PPP6R2: variants seen among roughly 807,000 people sequenced by gnomAD.
The protein encoded by PPP6R2 is protein phosphatase 6 regulatory subunit 2.
PPP6R2 carries 62 observed loss-of-function variants against 100.2 expected under a neutral mutation model. The observed-to-expected ratio is 0.62, with a 90% CI of 0.50 to 0.76. PPP6R2 has a LOEUF of 0.76. PPP6R2 is among the 30% of genes least tolerant of loss of function. The probability of loss-of-function intolerance (pLI) is 0.00; values close to 1 mark genes in which losing one functional copy is unlikely to be tolerated. For synonymous variants in PPP6R2, 525 were observed against 514.7 expected (o/e 1.02, Z -0.27); for missense variants, 1,142 against 1,276.3 (o/e 0.89, Z 1.60).
chr22:50,352,563 A>G (rs1188406445), intron 1 of PPP6R2, among the ~76,000 whole-genome samples: 2 of 151,720 alleles, frequency 1.3e-5, no homozygotes, highest in Non-Finnish European at 2.9e-5. Flanking sequence ...CATCTCTACT[A>G]AAAATACAAA....
chr22:50,362,313 C>A (rs565976484), intron 1 of PPP6R2, among the ~76,000 whole-genome samples: 44 of 152,340 alleles, frequency 2.9e-4, no homozygotes, highest in African/African-American at 9.9e-4. Context: ...CTCTTCTGAG[C>A]CTGGCGTGGG....
upstream of PPP6R2, among the ~76,000 whole-genome samples, chr22:50,339,955 GTGTGTGT>G (rs1329441541): frequency 2.7e-4 from 36 of 134,354 alleles, no homozygotes; most frequent in African/African-American, 9.0e-4. Context: ...TATGTAGTGT[GTGTGTGT>G]TGTGTGGTGT....
chr22:50,390,506 G>A (rs991055691), intron 2 of PPP6R2, among the ~76,000 whole-genome samples: 9 of 152,002 alleles, frequency 5.9e-5, no homozygotes, highest in African/African-American at 1.9e-4. Context: ...TCAAGAAGAC[G>A]TAACAGGCCA....
upstream of PPP6R2, among the ~76,000 whole-genome samples, chr22:50,340,595 T>TG (rs2042362216): frequency 1.0e-5 from 1 of 100,284 alleles, no homozygotes; most frequent in African/African-American, 5.0e-5. Flanking sequence ...GTGGTGTGTG[T>TG]GTGTGGTGTG....
chr22:50,381,275 G>A (rs532494623), intron 2 of PPP6R2, among the ~76,000 whole-genome samples: 11 of 103,276 alleles, frequency 1.1e-4, no homozygotes, highest in African/African-American at 3.5e-4. Flanking sequence ...CCTCACCTCA[G>A]CACCACACGG....
At chr22:50,364,148 C>T (rs923684742) in intron 1 of PPP6R2, among the ~76,000 whole-genome samples, 2 of 152,058 alleles carry the variant, frequency 1.3e-5, no homozygotes, top group Non-Finnish European at 2.9e-5. Context: ...CTGCCCACCT[C>T]GGCCTCCCAA....
chr22:50,438,670 C>T lies in PPP6R2; in HGVS notation c.2036C>T (p.Ala679Val). 1 of 1,613,974 alleles carries T rather than the reference C, an allele frequency of 6.2e-7. No individual in the cohort carries two copies. Among genetic ancestry groups the T allele is most frequent in the Non-Finnish European group, 8.5e-7 (1 of 1,179,968 alleles). The change falls in exon 19 of 24, where the codon GCG becomes GTG. Residue 679 changes from alanine to valine, a missense_variant. By Grantham distance (64) the Ala-to-Val change is moderately conservative. Coordinates refer to ENST00000612753, the MANE Select transcript of PPP6R2 (RefSeq NM_001242898.2). ...GPERGGQDGK[A>V]SLEAHRDAPG... is the part of the protein sequence containing the mutation. ...GAGCGTGGAGGCCAGGATGGGAAGG[C>T]GAGCTTGGAAGCACACAGAGATGCA...
At chr22:50,401,485 C>T (rs1448805311) in intron 3 of PPP6R2, among the ~76,000 whole-genome samples, 3 of 145,806 alleles carry the variant, frequency 2.1e-5, no homozygotes, top group South Asian at 2.2e-4. Flanking sequence ...GGATTACAGG[C>T]GTGAGCCACC....
chr22:50,401,659 T>TC (rs2058062741), intron 3 of PPP6R2, among the ~76,000 whole-genome samples: 1 of 151,336 alleles, frequency 6.6e-6, no homozygotes, highest in Non-Finnish European at 1.5e-5. Context: ...CTTTTTTTTT[T>TC]TGAGACGGAG....
At chr22:50,357,239 T>C (rs966864849) in intron 1 of PPP6R2, among the ~76,000 whole-genome samples, 6 of 152,216 alleles carry the variant, frequency 3.9e-5, no homozygotes, top group African/African-American at 1.4e-4. Context: ...TATTCACTTT[T>C]AGGAGTTTAC....
chr22:50,341,769 C>A (rs2042412763), upstream of PPP6R2, among the ~76,000 whole-genome samples: 1 of 151,856 alleles, frequency 6.6e-6, no homozygotes, highest in South Asian at 2.1e-4. Context: ...CCGAGGCGGG[C>A]GGATCACGAG....
intron 3 of PPP6R2, among the ~76,000 whole-genome samples, chr22:50,401,790 G>A (rs1426575124): frequency 6.6e-6 from 1 of 150,908 alleles, no homozygotes; most frequent in Non-Finnish European, 1.5e-5. Context: ...CTGCCACCAC[G>A]CCCGGCTAAT....
chr22:50,436,494 C>T, intron 14 of PPP6R2, 42 bp downstream of exon 14: 1 of 1,539,854 alleles, frequency 6.5e-7, no homozygotes, highest in Non-Finnish European at 8.8e-7. Context: ...ACGCACGGTG[C>T]TGGGACGCCG....
At chr22:50,385,464 G>A (rs1361539658) in intron 2 of PPP6R2, among the ~76,000 whole-genome samples, 2 of 150,358 alleles carry the variant, frequency 1.3e-5, no homozygotes, top group Non-Finnish European at 2.9e-5. Flanking sequence ...TTCCCAAAAT[G>A]CCGGGATTAC....
At position 50,423,014 on chromosome 22, in the gene PPP6R2, A is replaced by G. The variant is rs1215793311; in HGVS notation, c.973-448A>G. The stretch of plus-strand genomic sequence containing the variant: ...ATCAGAAAAGACCGCGGTCCATCGG[A>G]GGAGGCATTCCCGTCAGTGTCCCCA... On this transcript the variant is annotated intron_variant, in intron 9 of 23. Coordinates refer to ENST00000612753, the MANE Select transcript of PPP6R2 (RefSeq NM_001242898.2). This position sits in a 1 kb window ranked among gnomAD's most constrained non-coding sequence, Gnocchi z 4.8. Among the ~76,000 whole-genome samples, 4 of 152,124 alleles carry G rather than the reference A, an allele frequency of 2.6e-5. No homozygotes were observed. Among genetic ancestry groups the G allele is most frequent in the African/African-American group, 9.7e-5 (4 of 41,416 alleles).
Position 50,440,818 on chromosome 22 carries a change from G to A in PPP6R2, c.2375-4G>A. The A allele has an allele frequency of 6.2e-7, 1 of 1,612,936 alleles. No homozygotes were observed. The highest frequency in any genetic ancestry group is 1.7e-5 in the Admixed American group (1 of 60,022). The stretch of plus-strand genomic sequence containing the variant: ...CTGGACAGCACAGGCCTCCTACTTT[G>A]CAGTCAGCCCGGCTTCTCCATGTGC... On this transcript the variant is annotated splice_region_variant and splice_polypyrimidine_tract_variant and intron_variant, in intron 21 of 23. Coordinates refer to ENST00000612753, the MANE Select transcript of PPP6R2 (RefSeq NM_001242898.2).
intron 15 of PPP6R2, 26 bp from the exon 16 acceptor site, chr22:50,437,480 T>TGCCAGC: frequency 2.7e-6 from 2 of 728,354 alleles, no homozygotes; most frequent in East Asian, 2.5e-5. Context: ...TGTCTGTCCG[T>TGCCAGC]CCCTCCCTCC....
the PPP6R2 span, among the ~76,000 whole-genome samples, chr22:50,338,164 ATG>A: frequency 1.2e-5 from 1 of 86,802 alleles, no homozygotes; most frequent in South Asian, 4.1e-4. Context: ...TGTGTGTGCG[ATG>A]TGTGAGGTGT....
chr22:50,444,412 T>C lies in PPP6R2; in HGVS notation c.*165T>C. 1 of 939,664 alleles carries C rather than the reference T, an allele frequency of 1.1e-6. No individual in the cohort carries two copies. The highest frequency in any genetic ancestry group is 1.6e-5 in the South Asian group (1 of 61,680). 58.2% of individuals were successfully genotyped at this position (939,664 alleles called of 1,614,324 possible). ...AACCAGTTGGACGGCCCAGCTTGCG[T>C]CTCTTCTGCCTGAGTGGGCCTCTCA... On this transcript the variant is annotated 3_prime_UTR_variant, in exon 24 of 24. Transcript: ENST00000612753.
Sources: allele counts gnomAD v4.1 joint callset (sites outside exome capture counted in the v4.1 genomes callset), GRCh38; gene constraint gnomAD v4.1.1; non-coding constraint Gnocchi (gnomAD v3.1); transcripts MANE v1.5; gene names NCBI Gene and HGNC (gene_info 2026-07-23, HGNC 2026-07-21).